The following MICAL3 variants were observed in gnomAD, a reference collection of about 807,000 sequenced individuals.
The protein encoded by MICAL3 is [F-actin]-monooxygenase MICAL3.
Under a neutral mutation model 207.4 loss-of-function variants are expected in MICAL3, and 62 were observed. That is an observed-to-expected ratio of 0.30 (90% CI 0.24 to 0.37). MICAL3 has a LOEUF of 0.37. Ranked by LOEUF, MICAL3 falls within the 10% of genes least tolerant of loss-of-function variation. The pLI, the probability that MICAL3 is intolerant of heterozygous loss-of-function variation, is 1.00. For missense variants in MICAL3, 2,368 were observed against 2,635.6 expected (o/e 0.90, Z 2.22); for synonymous variants, 1,077 against 1,069.3 (o/e 1.01, Z -0.14).
intron 20 of MICAL3, chr22:17,840,240 C>A (rs900437745): frequency 6.6e-6 from 1 of 151,900 alleles, no homozygotes; most frequent in African/African-American, 2.4e-5. Flanking sequence ...TACAGGTGTG[C>A]ACCACCATGC....
At chr22:17,896,477 T>C (rs995869286) in intron 8 of MICAL3, 116 bp from the exon 9 acceptor site, 1 of 769,030 alleles carries the variant, frequency 1.3e-6, no homozygotes, top group African/African-American at 1.8e-5. Context: ...ACTGTTTCAA[T>C]AACAAATTGC....
At chr22:17,946,304 T>C (rs1333006084) in intron 1 of MICAL3, among the ~76,000 whole-genome samples, 1 of 152,196 alleles carries the variant, frequency 6.6e-6, no homozygotes, top group Non-Finnish European at 1.5e-5. Context: ...AGCTGCCTCA[T>C]ACCTTGTGGA....
intron 25 of MICAL3, among the ~76,000 whole-genome samples, chr22:17,820,972 A>G (rs1296706): frequency 0.21 from 20,541 of 97,686 alleles, 2,463 homozygotes; most frequent in Non-Finnish European, 0.27. Flanking sequence ...ATAAATTTAT[A>G]TTTATAAACA....
At chr22:17,990,637 T>C (rs1457373381) in intron 1 of MICAL3, among the ~76,000 whole-genome samples, 2 of 152,160 alleles carry the variant, frequency 1.3e-5, no homozygotes, top group African/African-American at 2.4e-5. Context: ...TCCAAACTCT[T>C]AACCACAACA....
intron 1 of MICAL3, among the ~76,000 whole-genome samples, chr22:17,993,116 C>G (rs1921881053): frequency 6.6e-6 from 1 of 152,198 alleles, no homozygotes. Flanking sequence ...GCCCATGTCA[C>G]TAGTTAAAAT....
At chr22:17,797,279 A>G (rs2061886581) in intron 29 of MICAL3, among the ~76,000 whole-genome samples, 1 of 152,128 alleles carries the variant, frequency 6.6e-6, no homozygotes, top group South Asian at 2.1e-4. Context: ...GGGTGAGATG[A>G]CTGCTGAACC....
In MICAL3 at chr22:17,810,720, G is replaced by A. The variant is rs763294962; in HGVS notation, c.5539C>T (p.Arg1847Trp). The A allele has an allele frequency of 2.0e-5, 33 of 1,613,786 alleles. No homozygotes were observed. Among genetic ancestry groups the A allele is most frequent in the Admixed American group, 5.0e-5 (3 of 60,010 alleles). ...RRQAKQEELKRLHRAQIIQRQ... is the reference protein window; with the variant it reads ...RRQAKQEELKWLHRAQIIQRQ... ...GGTTTTACCTGGGCTCGATGCAGCC[G>A]CTTAAGCTCCTCCTGCTTGGCCTGT... is the stretch of plus-strand genomic sequence containing the variant. The change falls in exon 28 of 32, where the codon CGG becomes TGG. Residue 1847 changes from arginine (R) to tryptophan (W), a missense_variant. Arg to Trp is a moderately radical substitution (Grantham distance 101). This residue lies in a region of MICAL3 where 1,770 missense variants were observed against 1,863.2 expected (regional missense o/e 0.95). Coordinates refer to ENST00000441493, the MANE Select transcript of MICAL3 (RefSeq NM_015241.3).
intron 19 of MICAL3, among the ~76,000 whole-genome samples, chr22:17,848,709 G>A (rs1924899311): frequency 6.6e-6 from 1 of 152,214 alleles, no homozygotes; most frequent in African/African-American, 2.4e-5. Flanking sequence ...CGGGAGAAGG[G>A]CTCTAGCCTA....
intron 1 of MICAL3, among the ~76,000 whole-genome samples, chr22:17,956,491 G>GA (rs1269354404): frequency 6.6e-6 from 1 of 152,210 alleles, no homozygotes; most frequent in African/African-American, 2.4e-5. Flanking sequence ...CAAACATGGA[G>GA]AAACCCCGTC....
intron 1 of MICAL3, among the ~76,000 whole-genome samples, chr22:18,012,445 G>A (rs1923803467): frequency 2.6e-5 from 4 of 152,182 alleles, no homozygotes; most frequent in Admixed American, 1.3e-4. Flanking sequence ...AGGGGTAAGG[G>A]AGGGCCAGAC....
At chr22:17,828,534 G>C (rs78162119) in intron 21 of MICAL3, among the ~76,000 whole-genome samples, 1 of 152,114 alleles carries the variant, frequency 6.6e-6, no homozygotes, top group Non-Finnish European at 1.5e-5. Flanking sequence ...TTTCATGTAC[G>C]TTTCCAAACC....
At chr22:17,821,681 C>T (rs1342657020) in intron 24 of MICAL3, among the ~76,000 whole-genome samples, 172 bp from the exon 25 acceptor site, 2 of 152,224 alleles carry the variant, frequency 1.3e-5, no homozygotes, top group Non-Finnish European at 2.9e-5. Context: ...GTCCTGGAAC[C>T]GTCTTCCCGG....
chr22:17,894,115 A>G (rs1313449335), intron 10 of MICAL3, among the ~76,000 whole-genome samples: 1 of 152,184 alleles, frequency 6.6e-6, no homozygotes, highest in African/African-American at 2.4e-5. Flanking sequence ...TTTGTGCTAG[A>G]AATCAGCTAC....
In MICAL3 at chr22:17,818,632, C is replaced by T. The variant is rs1301493088; in HGVS notation, c.4029G>A (p.Val1343=). ...EIRRSLGLTP[V]DRSKGPEPSF... ...TGGGCTCGGGCCCCTTGCTGCGGTC[C>T]ACAGGTGTGAGCCCGAGGCTGCGGC... is the stretch of plus-strand genomic sequence containing the variant. Residue 1343 remains valine (V), a synonymous_variant, in exon 26 of 32, where the codon GTG becomes GTA. Transcript: ENST00000441493. The T allele has an allele frequency of 3.7e-6, 6 of 1,613,510 alleles. No individual in the cohort carries two copies. The highest frequency in any genetic ancestry group is 1.3e-5 in the African/African-American group (1 of 74,924).
intron 1 of MICAL3, among the ~76,000 whole-genome samples, chr22:17,935,888 G>A (rs1258228025): frequency 6.6e-6 from 1 of 152,160 alleles, no homozygotes; most frequent in Non-Finnish European, 1.5e-5. Flanking sequence ...ACCATCTCAT[G>A]CCAGTTAGAA....
At chr22:17,976,561 G>GTATATATATA (rs751076102) in intron 1 of MICAL3, among the ~76,000 whole-genome samples, 9 of 80,064 alleles carry the variant, frequency 1.1e-4, no homozygotes, top group South Asian at 4.1e-4. Context: ...GTGTGTGTGT[G>GTATATATATA]TATATATATA....
intron 20 of MICAL3, chr22:17,840,324 T>G (rs1923885483): frequency 6.6e-6 from 1 of 152,248 alleles, no homozygotes; most frequent in South Asian, 2.1e-4. Context: ...ACTCCTGACC[T>G]TAAGTGATGT....
chr22:17,873,158 T>G (rs760517187), intron 16 of MICAL3, among the ~76,000 whole-genome samples: 1 of 152,110 alleles, frequency 6.6e-6, no homozygotes, highest in Admixed American at 6.5e-5. Context: ...GGAATGGTGG[T>G]AGAAGGCAGG....
At chr22:17,797,754 A>C (rs1043302840) in intron 29 of MICAL3, among the ~76,000 whole-genome samples, 4 of 152,270 alleles carry the variant, frequency 2.6e-5, no homozygotes, top group Non-Finnish European at 5.9e-5. Flanking sequence ...AATTTATGCC[A>C]GAAATGTTTA....
Sources: gnomAD v4.1 joint callset for allele counts (sites outside exome capture counted in the v4.1 genomes callset) on GRCh38, gnomAD v4.1.1 for gene constraint, gnomAD v4.1.1 regional missense constraint, MANE v1.5 for transcripts, NCBI Gene and HGNC (gene_info 2026-07-23, HGNC 2026-07-21) for gene names.